Variants in RIMS2 observed in about 807,000 individuals in gnomAD.
The protein encoded by RIMS2 is regulating synaptic membrane exocytosis 2.
In RIMS2, 59 loss-of-function variants were observed where a neutral mutation model predicts 174.4. The observed-to-expected ratio is 0.34, with a 90% CI of 0.27 to 0.42. The LOEUF is 0.42. Among genes scored for constraint, RIMS2 ranks in the 10% least tolerant of loss-of-function variants. The pLI, the probability that RIMS2 is intolerant of heterozygous loss-of-function variation, is 1.00. For synonymous variants in RIMS2, 606 were observed against 572.5 expected, an observed-to-expected ratio of 1.06 and a Z score of -0.84; for missense variants, 1,620 against 1,666.3, an observed-to-expected ratio of 0.97 and a Z score of 0.48.
chr8:103,802,330 CAGTAGA>C (rs1564692381), intron 3 of RIMS2, among the ~76,000 whole-genome samples: 1 of 152,136 alleles, frequency 6.6e-6, no homozygotes, highest in Non-Finnish European at 1.5e-5. Context: ...GATATATTAG[CAGTAGA>C]AGTATATATG....
chr8:103,996,609 A>G (rs573702771), intron 17 of RIMS2, among the ~76,000 whole-genome samples: 1 of 152,088 alleles, frequency 6.6e-6, no homozygotes. Flanking sequence ...AGTACATTAA[A>G]TGCATGAAGA....
chr8:104,223,316 C>G, intron 19 of RIMS2: 4 of 1,006,106 alleles, frequency 4.0e-6, no homozygotes, highest in Non-Finnish European at 3.6e-6. Flanking sequence ...CATCTCCCTG[C>G]GCGGGGAGGG....
At chr8:103,790,868 A>G (rs1437612535) in intron 3 of RIMS2, among the ~76,000 whole-genome samples, 1 of 152,232 alleles carries the variant, frequency 6.6e-6, no homozygotes, top group Non-Finnish European at 1.5e-5. Flanking sequence ...CATTTATTAA[A>G]GTATGGTGTT....
chr8:103,858,164 T>C (rs1399630991), intron 3 of RIMS2, among the ~76,000 whole-genome samples: 3 of 152,184 alleles, frequency 2.0e-5, no homozygotes, highest in African/African-American at 7.2e-5. Context: ...GATAATTAGG[T>C]TAACTTTTTG....
At chr8:104,248,573 TC>T (rs2099347484) in intron 20 of RIMS2, 127 bp from the exon 27 acceptor site, 1 of 635,470 alleles carries the variant, frequency 1.6e-6, no homozygotes, top group Non-Finnish European at 2.9e-6. Context: ...GGTATTTGGA[TC>T]CAGTAAATAT....
At chr8:103,732,522 T>C (rs1487884030) in intron 2 of RIMS2, among the ~76,000 whole-genome samples, 1 of 152,198 alleles carries the variant, frequency 6.6e-6, no homozygotes, top group African/African-American at 2.4e-5. Flanking sequence ...GCTTGCATCC[T>C]TCCTTTCAGT....
chr8:103,939,530 C>A (rs2082063367), intron 13 of RIMS2, among the ~76,000 whole-genome samples: 1 of 152,234 alleles, frequency 6.6e-6, no homozygotes, highest in South Asian at 2.1e-4. Context: ...GCCGTGAAGA[C>A]CTCTGACATG....
At chr8:103,608,850 T>C (rs1370165771) in intron 1 of RIMS2, among the ~76,000 whole-genome samples, 1 of 152,222 alleles carries the variant, frequency 6.6e-6, no homozygotes, top group African/African-American at 2.4e-5. Context: ...CTGCTTTGGC[T>C]CGCGCACGGT....
In RIMS2 at chr8:104,119,113, C is replaced by T. The variant is rs755251167; in HGVS notation, c.3334+104498C>T. On this transcript the variant is annotated intron_variant, in intron 19 of 23. Transcript: ENST00000504942. ...CTGTAATCCCAGCACTTTGAGAGGC[C>T]GAGGCGGGCGGATCATGAAGTCAAG... 1.4e-4 allele frequency among the ~76,000 whole-genome samples: 21 copies of T among 151,376 alleles called. 1 individual carries two copies. Among genetic ancestry groups the T allele is most frequent in the Admixed American group, 8.6e-4 (13 of 15,196 alleles).
intron 3 of RIMS2, among the ~76,000 whole-genome samples, chr8:103,863,606 G>GTTAA (rs2099069787): frequency 3.3e-5 from 5 of 151,140 alleles, no homozygotes; most frequent in African/African-American, 1.2e-4. Context: ...TTTTTTTTTG[G>GTTAA]TTAATGATTC....
chr8:104,183,888 A>G (rs979880520), intron 19 of RIMS2, among the ~76,000 whole-genome samples: 2 of 151,616 alleles, frequency 1.3e-5, no homozygotes, highest in Non-Finnish European at 3.0e-5. Context: ...TAAATTCTGG[A>G]CTAGAGTTTA....
chr8:103,659,005 C>T (rs1449980082), intron 1 of RIMS2, among the ~76,000 whole-genome samples: 1 of 152,150 alleles, frequency 6.6e-6, no homozygotes, highest in Non-Finnish European at 1.5e-5. Flanking sequence ...AAATGTTTAT[C>T]TTTTTGTTTT....
At chr8:104,100,973 TATATG>T (rs1278085551) in intron 19 of RIMS2, among the ~76,000 whole-genome samples, 1 of 140,900 alleles carries the variant, frequency 7.1e-6, no homozygotes, top group Non-Finnish European at 1.5e-5. Context: ...TTATATAGTA[TATATG>T]ATATATTATA....
intron 2 of RIMS2, among the ~76,000 whole-genome samples, chr8:103,754,432 A>C (rs2097947968): frequency 6.6e-6 from 1 of 152,168 alleles, no homozygotes; most frequent in Non-Finnish European, 1.5e-5. Flanking sequence ...ACTTCTGTAG[A>C]TGTCTATTAA....
intron 17 of RIMS2, among the ~76,000 whole-genome samples, chr8:103,995,958 A>G (rs1338946700): frequency 6.6e-6 from 1 of 151,982 alleles, no homozygotes; most frequent in African/African-American, 2.4e-5. Flanking sequence ...GGAGGAGTTA[A>G]ATTTTGAGAC....
intron 19 of RIMS2, among the ~76,000 whole-genome samples, chr8:104,235,452 T>C (rs1033398945): frequency 3.3e-5 from 5 of 152,152 alleles, no homozygotes; most frequent in African/African-American, 1.2e-4. Context: ...GTAGATTTTA[T>C]ATCCAAAGCA....
chr8:103,756,476 C>T (rs1236002223), intron 2 of RIMS2, among the ~76,000 whole-genome samples: 1 of 149,730 alleles, frequency 6.7e-6, no homozygotes, highest in African/African-American at 2.5e-5. Flanking sequence ...CACTTTGTCA[C>T]CCAGGCTGGA....
intron 19 of RIMS2, among the ~76,000 whole-genome samples, chr8:104,132,413 C>T (rs1161949058): frequency 6.6e-6 from 1 of 152,056 alleles, no homozygotes; most frequent in South Asian, 2.1e-4. Context: ...CTATCTAGAG[C>T]TAATGTTGGA....
At chr8:104,231,115 C>T (rs1270469316) in intron 19 of RIMS2, among the ~76,000 whole-genome samples, 5 of 152,118 alleles carry the variant, frequency 3.3e-5, no homozygotes, top group East Asian at 1.9e-4. Context: ...TTCCCATTCT[C>T]GTTGTCACCT....
Sources: gnomAD v4.1 joint callset for allele counts (sites outside exome capture counted in the v4.1 genomes callset) on GRCh38, gnomAD v4.1.1 for gene constraint, MANE v1.5 for transcripts, NCBI Gene and HGNC (gene_info 2026-07-23, HGNC 2026-07-21) for gene names.